Variants in APBB2 observed in about 807,000 individuals in gnomAD.
The protein encoded by APBB2 is amyloid beta precursor protein binding family B member 2.
APBB2 carries 38 observed loss-of-function variants against 82.5 expected under a neutral mutation model. That is an observed-to-expected ratio of 0.46 (90% CI 0.36 to 0.60). The LOEUF (loss-of-function observed/expected upper bound fraction) is 0.60. Ranked by LOEUF, APBB2 falls within the 20% of genes least tolerant of loss-of-function variation. The pLI is 0.00. For synonymous variants in APBB2, 341 were observed against 368.2 expected (o/e 0.93, Z 0.85); for missense variants, 772 against 972.3 (o/e 0.79, Z 2.74).
intron 7 of APBB2, among the ~76,000 whole-genome samples, chr4:40,941,713 C>T (rs2154378957): frequency 6.6e-6 from 1 of 152,316 alleles, no homozygotes; most frequent in Non-Finnish European, 1.5e-5. Context: ...CACCTGCAGC[C>T]TCAAATTTCT....
intron 1 of APBB2, among the ~76,000 whole-genome samples, chr4:41,160,918 CT>C (rs985707237): frequency 6.6e-6 from 1 of 152,086 alleles, no homozygotes; most frequent in African/African-American, 2.4e-5. Context: ...TCACTTAATC[CT>C]TATGACGACC....
rs939451706 is a variant in APBB2, at chr4:40,922,325, G to A, written c.1254+12131C>T. ...TCTGACTGATCTACTACCCTGCTAT[G>A]TATGTACTAGCTATTGAATACATAC... On this transcript the variant is annotated intron_variant, in intron 10 of 17. Coordinates refer to ENST00000508593, the MANE Select transcript of APBB2 (RefSeq NM_004307.2). Among the ~76,000 whole-genome samples, 20 of 152,250 alleles carry A rather than the reference G, an allele frequency of 1.3e-4. No homozygotes were observed. The East Asian group carries it at 3.9e-3, about 29-fold the overall frequency.
intron 12 of APBB2, among the ~76,000 whole-genome samples, chr4:40,849,273 GAGA>G (rs1560692686): frequency 1.3e-5 from 2 of 152,186 alleles, no homozygotes; most frequent in Non-Finnish European, 2.9e-5. Context: ...GGCAAGTTCT[GAGA>G]AGATTATTAA....
chr4:41,073,493 C>T (rs1036082093), intron 3 of APBB2, among the ~76,000 whole-genome samples: 1 of 152,184 alleles, frequency 6.6e-6, no homozygotes, highest in Non-Finnish European at 1.5e-5. Context: ...TCTTGCCTTA[C>T]TTTCAGAAAT....
chr4:41,141,703 C>T (rs145119254), intron 2 of APBB2, among the ~76,000 whole-genome samples: 236 of 152,318 alleles, frequency 1.5e-3, no homozygotes, highest in Non-Finnish European at 2.8e-3. Context: ...GGAAGCCTCA[C>T]AATCATGGTG....
intron 2 of APBB2, among the ~76,000 whole-genome samples, chr4:41,112,470 C>G (rs1749541565): frequency 6.6e-6 from 1 of 152,258 alleles, no homozygotes; most frequent in Non-Finnish European, 1.5e-5. Flanking sequence ...GCGCCCTGCA[C>G]ACTCTGCGTT....
intron 6 of APBB2, among the ~76,000 whole-genome samples, chr4:40,953,466 T>C (rs184950665): frequency 6.6e-6 from 1 of 152,006 alleles, no homozygotes; most frequent in African/African-American, 2.4e-5. Flanking sequence ...GGTGTGTCAT[T>C]GCACCGAGAT....
intron 15 of APBB2, among the ~76,000 whole-genome samples, chr4:40,824,002 C>T (rs2154297329): frequency 6.6e-6 from 1 of 152,164 alleles, no homozygotes; most frequent in South Asian, 2.1e-4. Context: ...GAGTTCGAGA[C>T]CAGCCTGGCC....
chr4:41,077,150 G>A (rs1735921754), intron 3 of APBB2, among the ~76,000 whole-genome samples: 2 of 149,590 alleles, frequency 1.3e-5, no homozygotes, highest in South Asian at 2.1e-4. Flanking sequence ...GACTACAGGC[G>A]CATACCACCA....
At chr4:40,988,637 C>CAAA (rs1310590730) in intron 6 of APBB2, among the ~76,000 whole-genome samples, 1,189 of 30,596 alleles carry the variant, frequency 0.039, 94 homozygotes, top group African/African-American at 0.15. Flanking sequence ...GACTCCGTCT[C>CAAA]AAAAAAAAAA....
At chr4:41,013,256 A>C (rs755751280) in intron 6 of APBB2, among the ~76,000 whole-genome samples, 35 of 152,222 alleles carry the variant, frequency 2.3e-4, no homozygotes, top group Non-Finnish European at 2.2e-4. Context: ...ATTTCTAGAT[A>C]GCATATAGAA....
At chr4:40,819,485 C>G (rs1444752719) in intron 17 of APBB2, among the ~76,000 whole-genome samples, 1 of 152,240 alleles carries the variant, frequency 6.6e-6, no homozygotes, top group Non-Finnish European at 1.5e-5. Context: ...TGTGCCCAGC[C>G]TCCTCCACTC....
intron 12 of APBB2, among the ~76,000 whole-genome samples, chr4:40,850,715 A>C (rs533324286): frequency 1.6e-4 from 24 of 152,292 alleles, no homozygotes; most frequent in Non-Finnish European, 2.9e-4. Context: ...CAAATATTTA[A>C]TATGTGGCCA....
chr4:41,171,276 G>A (rs571957518), intron 1 of APBB2, among the ~76,000 whole-genome samples: 23 of 152,312 alleles, frequency 1.5e-4, no homozygotes, highest in Middle Eastern at 3.4e-3. Context: ...CTGAGAGCCA[G>A]CCCCTGGACT....
At chr4:41,098,007 T>A (rs1580005469) in intron 3 of APBB2, among the ~76,000 whole-genome samples, 1 of 149,472 alleles carries the variant, frequency 6.7e-6, no homozygotes, top group Admixed American at 6.7e-5. Context: ...AAAAGACACC[T>A]CCCCCCTCCC....
chr4:40,923,163 G>T (rs1781757994), intron 10 of APBB2, among the ~76,000 whole-genome samples: 2 of 150,966 alleles, frequency 1.3e-5, no homozygotes, highest in South Asian at 4.2e-4. Flanking sequence ...TTTTAGTAGA[G>T]ACGGGGTTTC....
chr4:40,924,886 C>A (rs1466450571), intron 10 of APBB2, among the ~76,000 whole-genome samples: 2 of 152,220 alleles, frequency 1.3e-5, no homozygotes, highest in African/African-American at 4.8e-5. Context: ...AGATGGACCT[C>A]ATCTTAACAG....
At position 40,934,307 on chromosome 4, in the gene APBB2, T is replaced by TGTCAGGGA. The variant is rs145798374; in HGVS notation, c.1254+141_1254+148dup. 1,624 of 744,690 alleles carry TGTCAGGGA rather than the reference T, an allele frequency of 2.2e-3. 17 individuals carry two copies. The African/African-American group carries it at 0.024, about 11-fold the overall frequency. 46.1% of individuals were successfully genotyped at this position (744,690 alleles called of 1,614,324 possible). Reference sequence around the variant, plus strand: ...ACTTAGCCTAGGGGTTTTCTTCAAGTGTCAGGGAGATTAGGAAAGAGAAAA... The same window carrying TGTCAGGGA: ...ACTTAGCCTAGGGGTTTTCTTCAAGTGTCAGGGAGTCAGGGAGATTAGGAAAGAGAAAA... On this transcript the variant is annotated intron_variant, in intron 10 of 17. Transcript: ENST00000508593.
intron 12 of APBB2, among the ~76,000 whole-genome samples, chr4:40,863,566 C>G (rs995623208): frequency 2.6e-5 from 4 of 152,160 alleles, no homozygotes; most frequent in African/African-American, 9.6e-5. Flanking sequence ...GACAAATGAG[C>G]AGCATAAAAG....
Sources: gnomAD v4.1 joint callset for allele counts (sites outside exome capture counted in the v4.1 genomes callset) on GRCh38, gnomAD v4.1.1 for gene constraint, MANE v1.5 for transcripts, NCBI Gene and HGNC (gene_info 2026-07-23, HGNC 2026-07-21) for gene names.